The following CACHD1 variants were observed in gnomAD, a reference collection of about 807,000 sequenced individuals.
CACHD1 encodes VWFA and cache domain-containing protein 1.
A neutral mutation model predicts 138.7 loss-of-function variants in CACHD1; 71 were observed. That is an observed-to-expected ratio of 0.51 (90% CI 0.42 to 0.62). The LOEUF (loss-of-function observed/expected upper bound fraction) is 0.62, where lower values mean the gene tolerates loss of function less well. CACHD1 is among the 20% of genes least tolerant of loss of function. The pLI is 0.00. For missense variants in CACHD1, 1,389 were observed against 1,625.3 expected, an observed-to-expected ratio of 0.85 and a Z score of 2.50; for synonymous variants, 578 against 591.5, an observed-to-expected ratio of 0.98 and a Z score of 0.33.
chr1:64,673,495 T>C, intron 19 of CACHD1, 31 bp downstream of exon 19: 1 of 1,493,774 alleles, frequency 6.7e-7, no homozygotes, highest in Non-Finnish European at 9.3e-7. Flanking sequence ...AACACTCTCA[T>C]TTTTCCATCC....
intron 4 of CACHD1, among the ~76,000 whole-genome samples, chr1:64,606,248 A>C (rs1334208712): frequency 6.6e-6 from 1 of 152,184 alleles, no homozygotes; most frequent in African/African-American, 2.4e-5. Flanking sequence ...GATGAGACAT[A>C]GGGAATACGG....
chr1:64,494,448 G>A (rs1187453680), intron 1 of CACHD1, among the ~76,000 whole-genome samples: 4 of 152,152 alleles, frequency 2.6e-5, no homozygotes, highest in Admixed American at 1.3e-4. Context: ...TGTCACGGAC[G>A]AGATTTATTT....
At chr1:64,574,535 T>C (rs779956731) in intron 2 of CACHD1, among the ~76,000 whole-genome samples, 1 of 152,226 alleles carries the variant, frequency 6.6e-6, no homozygotes, top group Non-Finnish European at 1.5e-5. Flanking sequence ...CCTGACTGTG[T>C]TGACTACTCA....
intron 13 of CACHD1, among the ~76,000 whole-genome samples, chr1:64,663,021 G>A (rs1227207776): frequency 6.6e-6 from 1 of 152,180 alleles, no homozygotes; most frequent in African/African-American, 2.4e-5. Flanking sequence ...ATGCAAATGA[G>A]AGAAACACTA....
intron 1 of CACHD1, among the ~76,000 whole-genome samples, chr1:64,510,295 A>T (rs188700896): frequency 2.6e-5 from 4 of 152,226 alleles, no homozygotes; most frequent in African/African-American, 4.8e-5. Flanking sequence ...GCATCTTTGC[A>T]CCCTTTCAGC....
chr1:64,685,016 T>G (rs1293353928), intron 26 of CACHD1, among the ~76,000 whole-genome samples: 1 of 152,018 alleles, frequency 6.6e-6, no homozygotes, highest in Non-Finnish European at 1.5e-5. Flanking sequence ...TCCATGTTGG[T>G]CAGGCTGGTC....
intron 4 of CACHD1, among the ~76,000 whole-genome samples, chr1:64,618,385 C>T (rs1489466979): frequency 6.6e-6 from 1 of 152,120 alleles, no homozygotes; most frequent in Non-Finnish European, 1.5e-5. Context: ...CCAGGTACTC[C>T]TTCTTCCAGG....
At chr1:64,480,917 G>A (rs1028944522) in intron 1 of CACHD1, among the ~76,000 whole-genome samples, 30 of 149,586 alleles carry the variant, frequency 2.0e-4, no homozygotes, top group Non-Finnish European at 4.0e-4. Flanking sequence ...AATTGCAGTA[G>A]GATTACTACT....
At chr1:64,660,515 CT>C (rs1268571357) in intron 13 of CACHD1, among the ~76,000 whole-genome samples, 1 of 150,818 alleles carries the variant, frequency 6.6e-6, no homozygotes, top group African/African-American at 2.4e-5. Context: ...CTACTTTTTG[CT>C]TTGCTTTTTT....
intron 1 of CACHD1, among the ~76,000 whole-genome samples, chr1:64,504,075 C>T (rs1455572210): frequency 6.6e-6 from 1 of 152,198 alleles, no homozygotes; most frequent in Non-Finnish European, 1.5e-5. Context: ...GTCACCAAGG[C>T]TGGAGTGCAG....
intron 3 of CACHD1, among the ~76,000 whole-genome samples, chr1:64,583,698 A>G (rs1647029561): frequency 6.6e-6 from 1 of 152,240 alleles, no homozygotes; most frequent in Non-Finnish European, 1.5e-5. Flanking sequence ...TTACAGTTCC[A>G]CATGGCTGGG....
chr1:64,512,661 C>T lies in CACHD1; in HGVS notation c.199-37933C>T, dbSNP rs1356247205. Among the ~76,000 whole-genome samples, 3 of 152,126 alleles carry T rather than the reference C, an allele frequency of 2.0e-5. No homozygotes were observed. In the East Asian group the frequency reaches 5.8e-4, roughly 29 times the overall value. On this transcript the variant is annotated intron_variant, in intron 1 of 26. Transcript: ENST00000651257. ...GCTGTACCTTCCTCTTTTCTTTCTC[C>T]TAAAGAGGAATTTTCATTTGAAACT... is the stretch of plus-strand genomic sequence containing the variant.
chr1:64,471,506 C>T (rs1345992128), intron 1 of CACHD1, among the ~76,000 whole-genome samples: 2 of 152,214 alleles, frequency 1.3e-5, no homozygotes, highest in African/African-American at 2.4e-5. Context: ...CACCTAGGTC[C>T]CGGCGGAGAG....
chr1:64,681,541 G>GTTTTGTTTTTTTT (rs1553146853), intron 25 of CACHD1, among the ~76,000 whole-genome samples: 8 of 68,132 alleles, frequency 1.2e-4, no homozygotes, highest in African/African-American at 5.9e-4. Context: ...ATTTTATTGT[G>GTTTTGTTTTTTTT]TTTTTTTTTT....
At chr1:64,593,232 G>A (rs1229205805) in intron 3 of CACHD1, among the ~76,000 whole-genome samples, 1 of 152,158 alleles carries the variant, frequency 6.6e-6, no homozygotes, top group Non-Finnish European at 1.5e-5. Context: ...GGCAGTTCAG[G>A]TGAAGGTGAA....
At chr1:64,482,055 G>A (rs191332725) in intron 1 of CACHD1, among the ~76,000 whole-genome samples, 2 of 152,236 alleles carry the variant, frequency 1.3e-5, no homozygotes, top group South Asian at 2.1e-4. Context: ...TGATATAAAT[G>A]TATAATATTT....
At chr1:64,566,216 G>A (rs1249022369) in intron 2 of CACHD1, among the ~76,000 whole-genome samples, 5 of 152,206 alleles carry the variant, frequency 3.3e-5, no homozygotes, top group African/African-American at 9.6e-5. Context: ...TAGAAGCTCC[G>A]TGAGGGCGTG....
chr1:64,501,940 G>A (rs1343264249), intron 1 of CACHD1, among the ~76,000 whole-genome samples: 3 of 152,192 alleles, frequency 2.0e-5, no homozygotes, highest in Non-Finnish European at 2.9e-5. Context: ...TAGAACTCAG[G>A]TGTCATTACT....
chr1:64,516,432 T>C, intron 1 of CACHD1, among the ~76,000 whole-genome samples: 1 of 152,172 alleles, frequency 6.6e-6, no homozygotes, highest in East Asian at 1.9e-4. Flanking sequence ...CAGACCAGCT[T>C]ACGGTGTTCA....
Sources: gnomAD v4.1 joint callset for allele counts (sites outside exome capture counted in the v4.1 genomes callset) on GRCh38, gnomAD v4.1.1 for gene constraint, MANE v1.5 for transcripts, NCBI Gene and HGNC (gene_info 2026-07-23, HGNC 2026-07-21) for gene names.